NCAM2: variants seen among roughly 807,000 people sequenced by gnomAD.
NCAM2 encodes neural cell adhesion molecule 2, also known as N-CAM-2.
A neutral mutation model predicts 98.1 loss-of-function variants in NCAM2; 30 were observed. That is an observed-to-expected ratio of 0.31 (90% CI 0.23 to 0.41). The LOEUF (loss-of-function observed/expected upper bound fraction) is 0.41, where lower values mean the gene tolerates loss of function less well. NCAM2 is among the 10% of genes least tolerant of loss of function. The pLI, the probability that NCAM2 is intolerant of heterozygous loss-of-function variation, is 1.00. For synonymous variants in NCAM2, 368 were observed against 342.4 expected (o/e 1.07, Z -0.83); for missense variants, 867 against 1,005.8 (o/e 0.86, Z 1.87).
intron 1 of NCAM2, among the ~76,000 whole-genome samples, chr21:21,055,778 CT>C (rs917575739): frequency 6.6e-6 from 1 of 152,110 alleles, no homozygotes; most frequent in African/African-American, 2.4e-5. Flanking sequence ...CTAAACCTTA[CT>C]TTCCCCATTT....
chr21:21,291,732 T>C (rs1387355757), intron 4 of NCAM2, among the ~76,000 whole-genome samples: 1 of 151,866 alleles, frequency 6.6e-6, no homozygotes, highest in Non-Finnish European at 1.5e-5. Context: ...TTTCCACCCA[T>C]GTTGCCGCAT....
At chr21:21,270,941 T>C (rs2072473897) in intron 1 of NCAM2, among the ~76,000 whole-genome samples, 1 of 151,540 alleles carries the variant, frequency 6.6e-6, no homozygotes, top group African/African-American at 2.4e-5. Flanking sequence ...TCTTCTCTTT[T>C]AGTTATTTTT....
chr21:21,049,413 A>G (rs1470347435), intron 1 of NCAM2, among the ~76,000 whole-genome samples: 2 of 152,108 alleles, frequency 1.3e-5, no homozygotes, highest in Non-Finnish European at 2.9e-5. Flanking sequence ...TTCTAATTAC[A>G]TGTTTGATTC....
chr21:21,358,642 C>T (rs2075561429), intron 8 of NCAM2, among the ~76,000 whole-genome samples: 1 of 152,010 alleles, frequency 6.6e-6, no homozygotes, highest in Admixed American at 6.6e-5. Flanking sequence ...ATAGTTTTGG[C>T]ATTCCAAGTT....
intron 1 of NCAM2, among the ~76,000 whole-genome samples, chr21:21,171,223 T>A (rs2068114120): frequency 6.6e-6 from 1 of 152,206 alleles, no homozygotes; most frequent in Non-Finnish European, 1.5e-5. Context: ...GCATGTTTTC[T>A]TAAGGAACTA....
At chr21:21,413,550 G>A (rs573733722) in intron 10 of NCAM2, among the ~76,000 whole-genome samples, 4 of 152,216 alleles carry the variant, frequency 2.6e-5, no homozygotes, top group Non-Finnish European at 4.4e-5. Flanking sequence ...CCTCAATAAA[G>A]TAAATATCTC....
At chr21:21,527,170 G>A (rs1989372539) in intron 16 of NCAM2, among the ~76,000 whole-genome samples, 1 of 150,040 alleles carries the variant, frequency 6.7e-6, no homozygotes, top group Non-Finnish European at 1.5e-5. Flanking sequence ...AGAGTGCAGT[G>A]GCCTGATCTC....
intron 8 of NCAM2, among the ~76,000 whole-genome samples, chr21:21,356,798 G>A (rs1174817660): frequency 2.0e-5 from 3 of 151,972 alleles, no homozygotes; most frequent in African/African-American, 7.3e-5. Context: ...CGAGACAAAC[G>A]TGGCCAACAT....
At chr21:21,468,389 G>A (rs2146220339) in intron 13 of NCAM2, among the ~76,000 whole-genome samples, 1 of 152,048 alleles carries the variant, frequency 6.6e-6, no homozygotes, top group South Asian at 2.1e-4. Flanking sequence ...TTTGTGCAAT[G>A]CTATACTTTT....
At chr21:21,438,792 A>G (rs539917267) in intron 12 of NCAM2, among the ~76,000 whole-genome samples, 3 of 152,214 alleles carry the variant, frequency 2.0e-5, no homozygotes, top group East Asian at 3.9e-4. Context: ...TCAATATTTT[A>G]AAATGTTAGG....
chr21:21,028,090 C>T (rs1429398682), intron 1 of NCAM2, among the ~76,000 whole-genome samples: 1 of 151,884 alleles, frequency 6.6e-6, no homozygotes, highest in African/African-American at 2.4e-5. Flanking sequence ...CTGGAACTCC[C>T]GACCTCAGGT....
At chr21:21,145,686 C>G (rs1041007980) in intron 1 of NCAM2, among the ~76,000 whole-genome samples, 1 of 151,978 alleles carries the variant, frequency 6.6e-6, no homozygotes, top group African/African-American at 2.4e-5. Context: ...ATAGTATAAC[C>G]AACACAAGAG....
chr21:21,050,987 T>G (rs973334655), intron 1 of NCAM2, among the ~76,000 whole-genome samples: 1 of 152,218 alleles, frequency 6.6e-6, no homozygotes, highest in Non-Finnish European at 1.5e-5. Flanking sequence ...TTGTTATTTT[T>G]CAGACCAAAA....
intron 1 of NCAM2, among the ~76,000 whole-genome samples, chr21:21,152,355 A>G (rs958192923): frequency 3.3e-5 from 5 of 150,734 alleles, no homozygotes; most frequent in African/African-American, 1.2e-4. Flanking sequence ...ATTCCATTTT[A>G]TTTTTCATTT....
At chr21:21,195,056 G>A (rs1453274723) in intron 1 of NCAM2, among the ~76,000 whole-genome samples, 3 of 152,156 alleles carry the variant, frequency 2.0e-5, no homozygotes, top group Non-Finnish European at 4.4e-5. Flanking sequence ...GATAATGAAA[G>A]GAGTAGAGAA....
intron 1 of NCAM2, among the ~76,000 whole-genome samples, chr21:21,054,728 T>A (rs73895174): frequency 0.028 from 4,211 of 152,180 alleles, 196 homozygotes; most frequent in African/African-American, 0.096. Flanking sequence ...CAAGTCTCTC[T>A]GTTAAATTAG....
At chr21:21,377,856 G>A (rs541939340) in intron 9 of NCAM2, among the ~76,000 whole-genome samples, 1 of 151,788 alleles carries the variant, frequency 6.6e-6, no homozygotes, top group South Asian at 2.1e-4. Flanking sequence ...ACCCACCCCA[G>A]CCTCTGCTGA....
intron 1 of NCAM2, among the ~76,000 whole-genome samples, chr21:21,060,048 A>G (rs563987435): frequency 3.3e-5 from 5 of 152,198 alleles, no homozygotes; most frequent in South Asian, 2.1e-4. Flanking sequence ...AGCCATTCAC[A>G]TGTCTGAACT....
intron 1 of NCAM2, among the ~76,000 whole-genome samples, chr21:21,228,900 T>A (rs1241994452): frequency 6.6e-6 from 1 of 151,548 alleles, no homozygotes; most frequent in East Asian, 1.9e-4. Flanking sequence ...CATTTTTATT[T>A]TGTATTTTTC....
Sources: allele counts gnomAD v4.1 joint callset (sites outside exome capture counted in the v4.1 genomes callset), GRCh38; gene constraint gnomAD v4.1.1; transcripts MANE v1.5; gene names NCBI Gene and HGNC (gene_info 2026-07-23, HGNC 2026-07-21).